The following HS3ST2 variants were observed in gnomAD, a reference collection of about 807,000 sequenced individuals.
HS3ST2 encodes the protein heparan sulfate glucosamine 3-O-sulfotransferase 2.
Under a neutral mutation model 26.3 loss-of-function variants are expected in HS3ST2, and 17 were observed. The observed-to-expected ratio is 0.65, with a 90% confidence interval of 0.44 to 0.97. The LOEUF is 0.97. Among genes scored for constraint, HS3ST2 ranks in the 50% least tolerant of loss-of-function variants. The pLI, the probability that HS3ST2 is intolerant of heterozygous loss-of-function variation, is 0.00. For synonymous variants in HS3ST2, 237 were observed against 219.2 expected, an observed-to-expected ratio of 1.08 and a Z score of -0.72; for missense variants, 402 against 501.2, an observed-to-expected ratio of 0.80 and a Z score of 1.89.
intron 1 of HS3ST2, among the ~76,000 whole-genome samples, chr16:22,902,602 A>G (rs1328699898): frequency 1.3e-5 from 2 of 152,210 alleles, no homozygotes; most frequent in Non-Finnish European, 2.9e-5. Flanking sequence ...TGCATTTTAC[A>G]TTTTGATAGA....
intron 1 of HS3ST2, among the ~76,000 whole-genome samples, chr16:22,835,389 C>T (rs1901240731): frequency 6.6e-6 from 1 of 152,096 alleles, no homozygotes; most frequent in Non-Finnish European, 1.5e-5. Flanking sequence ...GACTCCAAAC[C>T]TCCCTATTCC....
intron 1 of HS3ST2, among the ~76,000 whole-genome samples, chr16:22,876,584 T>C (rs897892101): frequency 6.6e-6 from 1 of 152,202 alleles, no homozygotes; most frequent in Non-Finnish European, 1.5e-5. Flanking sequence ...TGGAGATTCC[T>C]TAAAGAACTA....
At chr16:22,848,350 T>C (rs538017240) in intron 1 of HS3ST2, among the ~76,000 whole-genome samples, 2 of 152,264 alleles carry the variant, frequency 1.3e-5, no homozygotes, top group African/African-American at 2.4e-5. Context: ...GTTCCTACAA[T>C]AGGCACTCAG....
At chr16:22,864,517 C>G (rs1901721090) in intron 1 of HS3ST2, among the ~76,000 whole-genome samples, 1 of 152,156 alleles carries the variant, frequency 6.6e-6, no homozygotes, top group Non-Finnish European at 1.5e-5. Flanking sequence ...TGTAGCTGGT[C>G]TGGTCCAGAT....
At chr16:22,884,559 G>A (rs1301455414) in intron 1 of HS3ST2, among the ~76,000 whole-genome samples, 1 of 151,812 alleles carries the variant, frequency 6.6e-6, no homozygotes, top group African/African-American at 2.4e-5. Flanking sequence ...GACTGGTCCT[G>A]TAGCTTCTGG....
At chr16:22,900,839 C>T (rs1410051655) in intron 1 of HS3ST2, among the ~76,000 whole-genome samples, 4 of 151,874 alleles carry the variant, frequency 2.6e-5, no homozygotes, top group Admixed American at 2.0e-4. Flanking sequence ...CTTCAGAAGA[C>T]GATGGGGTGG....
intron 1 of HS3ST2, among the ~76,000 whole-genome samples, chr16:22,870,172 C>T (rs976910580): frequency 3.9e-5 from 6 of 152,072 alleles, no homozygotes; most frequent in Non-Finnish European, 5.9e-5. Context: ...CCCTGGGATA[C>T]GCTGCCCTCC....
chr16:22,847,961 AAG>A (rs1472790368), intron 1 of HS3ST2, among the ~76,000 whole-genome samples: 1 of 151,888 alleles, frequency 6.6e-6, no homozygotes, highest in Non-Finnish European at 1.5e-5. Flanking sequence ...GAAGAAAAGA[AAG>A]AGTGAGAAAG....
intron 1 of HS3ST2, among the ~76,000 whole-genome samples, chr16:22,835,270 GA>G (rs1901239277): frequency 6.6e-6 from 1 of 151,188 alleles, no homozygotes; most frequent in Non-Finnish European, 1.5e-5. Context: ...CTCTGAGGTA[GA>G]AGTTATATAG....
chr16:22,867,844 T>A (rs1414144855), intron 1 of HS3ST2, among the ~76,000 whole-genome samples: 1 of 152,234 alleles, frequency 6.6e-6, no homozygotes, highest in Non-Finnish European at 1.5e-5. Context: ...TATGCCTATT[T>A]AACCTGGAGG....
At chr16:22,909,177 G>A (rs1902391232) in intron 1 of HS3ST2, among the ~76,000 whole-genome samples, 1 of 152,080 alleles carries the variant, frequency 6.6e-6, no homozygotes, top group Non-Finnish European at 1.5e-5. Context: ...CCCCACCCTT[G>A]GCCCATCAAG....
intron 1 of HS3ST2, among the ~76,000 whole-genome samples, chr16:22,888,825 G>C (rs1167495914): frequency 5.9e-5 from 9 of 152,192 alleles, no homozygotes; most frequent in Admixed American, 5.9e-4. Flanking sequence ...CTTAACTGAG[G>C]CACTCTTGCA....
intron 1 of HS3ST2, among the ~76,000 whole-genome samples, chr16:22,836,998 C>A (rs551407981): frequency 6.6e-6 from 1 of 152,178 alleles, no homozygotes; most frequent in East Asian, 1.9e-4. Context: ...AATCATGGAT[C>A]TGTTGTCTTA....
In HS3ST2 at chr16:22,814,667, G is replaced by A. The variant is rs1192943458; in HGVS notation, c.57G>A (p.Arg19=). 6.3e-7 allele frequency: 1 copy of A among 1,581,784 alleles called. No individual in the cohort carries two copies. The change falls in exon 1 of 2, where the codon AGG becomes AGA. Residue 19 remains arginine, a synonymous_variant. Transcript: ENST00000261374. ...CACCTCAGCCGCGGAGGGCGCGCAG[G>A]CTGCTCTTCGCCTTCACGCTCTCGC... is the stretch of plus-strand genomic sequence containing the variant. ...AGPPQPRRAR[R]LLFAFTLSLS...
chr16:22,841,493 T>A (rs760989417), intron 1 of HS3ST2, among the ~76,000 whole-genome samples: 1 of 152,238 alleles, frequency 6.6e-6, no homozygotes, highest in Non-Finnish European at 1.5e-5. Flanking sequence ...TATCCTTTAG[T>A]GGTTATTCTT....
intron 1 of HS3ST2, among the ~76,000 whole-genome samples, chr16:22,819,216 C>A (rs1354780988): frequency 1.3e-5 from 2 of 149,610 alleles, no homozygotes; most frequent in African/African-American, 2.5e-5. Context: ...TCTTTCCTTC[C>A]CTCCTTCCAT....
rs34942780 is a variant in HS3ST2 at position 22,864,882 on chromosome 16, C to CAAAAAAA, written c.485+49801_485+49807dup. Among the ~76,000 whole-genome samples the CAAAAAAA allele has an allele frequency of 3.5e-3, 201 of 57,140 alleles. 17 individuals carry two copies. The highest frequency in any genetic ancestry group is 7.1e-3 in the African/African-American group (111 of 15,646). The allele number at this position is 57,140 out of a possible 152,430, so 37.5% of individuals were successfully genotyped here. A position where few individuals can be genotyped will look rare whatever the true frequency, so the allele number is the denominator to read the frequency against. ...GCAACATAGGGAGACCCTGTCTCCA[C>CAAAAAAA]AAAAAAAAAAAAAAAAAAAATAGCC... On this transcript the variant is annotated intron_variant, in intron 1 of 1. Coordinates refer to ENST00000261374, the MANE Select transcript of HS3ST2 (RefSeq NM_006043.2).
chr16:22,861,206 A>G (rs1004551977), intron 1 of HS3ST2, among the ~76,000 whole-genome samples: 85 of 152,114 alleles, frequency 5.6e-4, no homozygotes, highest in African/African-American at 2.0e-3. Flanking sequence ...TCATAGTTGT[A>G]TATCATAGTT....
At chr16:22,877,510 T>G (rs745696087) in intron 1 of HS3ST2, among the ~76,000 whole-genome samples, 4 of 152,198 alleles carry the variant, frequency 2.6e-5, no homozygotes, top group Admixed American at 6.5e-5. Context: ...ATGCATGTCT[T>G]TCTTTATTGG....
Sources: gnomAD v4.1 joint callset for allele counts (sites outside exome capture counted in the v4.1 genomes callset) on GRCh38, gnomAD v4.1.1 for gene constraint, MANE v1.5 for transcripts, NCBI Gene and HGNC (gene_info 2026-07-23, HGNC 2026-07-21) for gene names.